Variants in GAK observed in about 807,000 individuals in gnomAD.
The protein encoded by GAK is cyclin-G-associated kinase.
GAK carries 79 observed loss-of-function variants against 143.9 expected under a neutral mutation model. The ratio of observed to expected loss-of-function variants is 0.55; its 90% confidence interval spans 0.46 to 0.66. GAK has a LOEUF of 0.66. GAK is among the 30% of genes least tolerant of loss of function. The pLI is 0.00. For missense variants in GAK, 1,693 were observed against 1,779.7 expected (o/e 0.95, Z 0.88); for synonymous variants, 881 against 765.5 (o/e 1.15, Z -2.49).
At chr4:893,802 C>A in intron 8 of GAK, 72 bp downstream of exon 8, 3 of 1,479,354 alleles carry the variant, frequency 2.0e-6, no homozygotes, top group Non-Finnish European at 2.7e-6. Flanking sequence ...CCAAGGGGAG[C>A]GGGGTCTCCA....
At chr4:909,961 C>T (rs1279335600) in intron 4 of GAK, among the ~76,000 whole-genome samples, 12 of 151,760 alleles carry the variant, frequency 7.9e-5, no homozygotes, top group Non-Finnish European at 1.6e-4. Context: ...TTCTCGGCCA[C>T]GTCAAGCACC....
At chr4:894,213 G>C (rs61039653) in intron 7 of GAK, 45 of 501,592 alleles carry the variant, frequency 9.0e-5, no homozygotes, top group African/African-American at 8.3e-4. Context: ...GGGTGACACC[G>C]GGGCCTGCGG....
intron 6 of GAK, among the ~76,000 whole-genome samples, chr4:897,511 T>A (rs1164105410): frequency 6.6e-6 from 1 of 152,092 alleles, no homozygotes; most frequent in Non-Finnish European, 1.5e-5. Flanking sequence ...AGAGACGGCA[T>A]CTATCTGCCC....
intron 3 of GAK, 172 bp from the exon 4 acceptor site, chr4:911,959 A>G (rs1722121230): frequency 1.8e-6 from 1 of 548,442 alleles, no homozygotes; most frequent in Admixed American, 2.5e-5. Context: ...CGACCGAGAG[A>G]AAGGCAGACA....
chr4:915,860 C>T (rs531407798), intron 1 of GAK: 2 of 152,186 alleles, frequency 1.3e-5, no homozygotes, highest in African/African-American at 2.4e-5. Flanking sequence ...AAGTTCTCGC[C>T]GGTGCCATCA....
chr4:868,942 C>T, intron 19 of GAK: 1 of 499,162 alleles, frequency 2.0e-6, no homozygotes, highest in South Asian at 2.3e-5. Flanking sequence ...GAACCCACCA[C>T]TGAGGCATCA....
chr4:914,212 C>G (rs1251497244), intron 1 of GAK, among the ~76,000 whole-genome samples: 2 of 82,952 alleles, frequency 2.4e-5, no homozygotes, highest in Non-Finnish European at 2.4e-5. Flanking sequence ...GCGTGCACAG[C>G]CCCCACACAC....
intron 18 of GAK, among the ~76,000 whole-genome samples, chr4:875,937 T>C (rs1471160669): frequency 1.3e-5 from 2 of 152,040 alleles, no homozygotes; most frequent in East Asian, 3.9e-4. Context: ...CGAGACTCTG[T>C]CTCAAAAAAA....
At chr4:860,006 G>A (rs1577056901) in intron 23 of GAK, among the ~76,000 whole-genome samples, 1 of 152,072 alleles carries the variant, frequency 6.6e-6, no homozygotes, top group African/African-American at 2.4e-5. Context: ...ACCACTTTCT[G>A]GAATCTATCT....
intron 1 of GAK, among the ~76,000 whole-genome samples, chr4:919,290 T>C (rs1037294336): frequency 6.8e-6 from 1 of 147,814 alleles, no homozygotes; most frequent in Non-Finnish European, 1.5e-5. Flanking sequence ...CGCATGACCT[T>C]AGAAAGACAG....
intron 18 of GAK, among the ~76,000 whole-genome samples, chr4:875,012 A>G (rs1268913640): frequency 6.6e-6 from 1 of 152,194 alleles, no homozygotes; most frequent in Non-Finnish European, 1.5e-5. Flanking sequence ...CAGTTCTAGA[A>G]TTCACATCTG....
intron 23 of GAK, among the ~76,000 whole-genome samples, chr4:862,587 G>A (rs1056425612): frequency 1.3e-5 from 2 of 152,088 alleles, no homozygotes; most frequent in Non-Finnish European, 2.9e-5. Flanking sequence ...CAACCCGGGA[G>A]GCGGAGCTTG....
intron 10 of GAK, among the ~76,000 whole-genome samples, chr4:889,696 C>T (rs943404162): frequency 6.6e-6 from 1 of 152,216 alleles, no homozygotes; most frequent in African/African-American, 2.4e-5. Flanking sequence ...CCTCCCACAC[C>T]GCAGTGGGGA....
At chr4:890,968 G>A (rs1295863788) in intron 9 of GAK, among the ~76,000 whole-genome samples, 2 of 144,922 alleles carry the variant, frequency 1.4e-5, no homozygotes, top group Non-Finnish European at 3.0e-5. Context: ...TTTTTTGGTA[G>A]AGACAGAGTC....
At chr4:866,904 C>G in intron 21 of GAK, 52 bp downstream of exon 21, 1 of 1,301,216 alleles carries the variant, frequency 7.7e-7, no homozygotes, top group Non-Finnish European at 1.1e-6. Flanking sequence ...ATGACTCAGC[C>G]TCATCACTCA....
chr4:885,194 G>C (rs1326021240), intron 11 of GAK, among the ~76,000 whole-genome samples: 1 of 152,190 alleles, frequency 6.6e-6, no homozygotes, highest in African/African-American at 2.4e-5. Context: ...GGCACGGTGA[G>C]CCTGACGCTT....
At chr4:877,532 C>T (rs886845134) in intron 16 of GAK, 83 bp downstream of exon 16, 8 of 1,409,394 alleles carry the variant, frequency 5.7e-6, no homozygotes, top group African/African-American at 2.9e-5. Flanking sequence ...CGCCTGTCCC[C>T]GGCAAGGCCA....
At chr4:900,759 C>T (rs1719718122) in intron 5 of GAK, among the ~76,000 whole-genome samples, 1 of 152,160 alleles carries the variant, frequency 6.6e-6, no homozygotes, top group Non-Finnish European at 1.5e-5. Flanking sequence ...AAAAGCAACC[C>T]TGTGTGCTGG....
At chr4:899,998 G>A (rs1719550063) in intron 5 of GAK, among the ~76,000 whole-genome samples, 1 of 152,264 alleles carries the variant, frequency 6.6e-6, no homozygotes, top group South Asian at 2.1e-4. Flanking sequence ...GATGCAGAGC[G>A]TGGGGCGAGG....
Sources: allele counts gnomAD v4.1 joint callset (sites outside exome capture counted in the v4.1 genomes callset), GRCh38; gene constraint gnomAD v4.1.1; transcripts MANE v1.5; gene names NCBI Gene and HGNC (gene_info 2026-07-23, HGNC 2026-07-21).